The following SOS1 variants were observed in gnomAD, a reference collection of about 807,000 sequenced individuals.
SOS1 encodes the protein SOS Ras/Rac guanine nucleotide exchange factor 1.
In SOS1, 25 loss-of-function variants were observed where a neutral mutation model predicts 157.6. That is an observed-to-expected ratio of 0.16 (90% confidence interval 0.12 to 0.22). The LOEUF is 0.22. Among genes scored for constraint, SOS1 ranks in the 10% least tolerant of loss-of-function variants. SOS1 has a pLI of 1.00. For missense variants in SOS1, 1,237 were observed against 1,599.1 expected, an observed-to-expected ratio of 0.77 and a Z score of 3.86; for synonymous variants, 528 against 534.0, an observed-to-expected ratio of 0.99 and a Z score of 0.16.
intron 8 of SOS1, among the ~76,000 whole-genome samples, chr2:39,030,330 A>G (rs1670116081): frequency 6.6e-6 from 1 of 151,084 alleles, no homozygotes; most frequent in South Asian, 2.1e-4. Context: ...TTCGGAGGCC[A>G]ATGTGGGAAG....
chr2:39,085,741 A>G (rs1672346389), intron 1 of SOS1, among the ~76,000 whole-genome samples: 2 of 152,232 alleles, frequency 1.3e-5, no homozygotes. Flanking sequence ...TCATCTGTGA[A>G]TTCCACCTAC....
At chr2:39,088,539 T>C (rs968992535) in intron 1 of SOS1, among the ~76,000 whole-genome samples, 3 of 152,194 alleles carry the variant, frequency 2.0e-5, no homozygotes, top group African/African-American at 7.2e-5. Context: ...TCTCTATGAA[T>C]TGAACTATTC....
chr2:39,123,345 G>GAA (rs759198547), upstream of SOS1, among the ~76,000 whole-genome samples: 1 of 151,408 alleles, frequency 6.6e-6, no homozygotes, highest in Non-Finnish European at 1.5e-5. Flanking sequence ...TAGAGAGAGA[G>GAA]AAACAATCTT....
At chr2:39,011,649 T>G (rs1279074824) in intron 14 of SOS1, among the ~76,000 whole-genome samples, 1 of 152,194 alleles carries the variant, frequency 6.6e-6, no homozygotes, top group Non-Finnish European at 1.5e-5. Flanking sequence ...ATTACATCAA[T>G]GTAGTATGAT....
At chr2:39,015,053 T>C (rs1669588907) in intron 10 of SOS1, among the ~76,000 whole-genome samples, 1 of 152,086 alleles carries the variant, frequency 6.6e-6, no homozygotes, top group African/African-American at 2.4e-5. Context: ...TCAACTTATT[T>C]CTTGCCCTCT....
chr2:39,107,432 C>G (rs981940916), intron 1 of SOS1, among the ~76,000 whole-genome samples: 3 of 152,146 alleles, frequency 2.0e-5, no homozygotes, highest in African/African-American at 7.2e-5. Flanking sequence ...TAGTATTGCA[C>G]TACAGTCTAA....
At chr2:39,090,867 GTT>G (rs993269014) in intron 1 of SOS1, among the ~76,000 whole-genome samples, 2 of 150,910 alleles carry the variant, frequency 1.3e-5, no homozygotes, top group African/African-American at 4.8e-5. Context: ...TGTTGTTGTT[GTT>G]TTGTTTGTTT....
At chr2:39,022,517 AAATC>A (rs1174781686) in intron 10 of SOS1, 49 bp downstream of exon 10, 2 of 1,416,536 alleles carry the variant, frequency 1.4e-6, no homozygotes, top group East Asian at 2.3e-5. Flanking sequence ...GCAGGAAAGA[AAATC>A]AGTTTGAAGC....
chr2:39,065,784 T>C (rs150431737), intron 2 of SOS1, among the ~76,000 whole-genome samples: 154 of 152,348 alleles, frequency 1.0e-3, no homozygotes, highest in African/African-American at 2.5e-3. Flanking sequence ...ATTCAACTTA[T>C]ATTTTCTGAG....
chr2:39,106,769 A>G (rs534535581), intron 1 of SOS1, among the ~76,000 whole-genome samples: 2 of 152,306 alleles, frequency 1.3e-5, no homozygotes, highest in African/African-American at 4.8e-5. Context: ...CCTGTGAGGT[A>G]GCCCAGACTA....
At chr2:38,999,275 A>G (rs745503593) in intron 17 of SOS1, among the ~76,000 whole-genome samples, 7 of 152,166 alleles carry the variant, frequency 4.6e-5, no homozygotes, top group Non-Finnish European at 7.4e-5. Flanking sequence ...TGGCTAGACC[A>G]TAGGGGTTTG....
chr2:39,084,465 A>T (rs1298015066), intron 1 of SOS1, among the ~76,000 whole-genome samples: 4 of 152,166 alleles, frequency 2.6e-5, no homozygotes, highest in African/African-American at 9.7e-5. Flanking sequence ...TTTGTTGTCA[A>T]CATGGGTTAT....
At chr2:39,118,429 T>G (rs948159771) in intron 1 of SOS1, among the ~76,000 whole-genome samples, 1 of 152,252 alleles carries the variant, frequency 6.6e-6, no homozygotes, top group Admixed American at 6.5e-5. Flanking sequence ...TTTTCAATCT[T>G]GTTTAGAATC....
rs1228324128 is a variant in SOS1 at position 39,094,591 on chromosome 2, T to C, written c.87+25745A>G. On this transcript the variant is annotated intron_variant, in intron 1 of 22. Coordinates refer to ENST00000402219, the MANE Select transcript of SOS1 (RefSeq NM_005633.4). ...ACCCGGGAGGCTGGGAGGCGCAGGC[T>C]GCAGTGAGCCGAGACTGTACCACTG... 5.4e-4 allele frequency among the ~76,000 whole-genome samples: 82 copies of C among 152,010 alleles called. 1 individual carries two copies. Among genetic ancestry groups the C allele is most frequent in the Non-Finnish European group, 7.4e-5 (5 of 68,008 alleles).
intron 6 of SOS1, among the ~76,000 whole-genome samples, chr2:39,046,889 A>G (rs1281525618): frequency 3.9e-5 from 6 of 152,104 alleles, no homozygotes; most frequent in Non-Finnish European, 7.4e-5. Flanking sequence ...ACACCATCCA[A>G]TGCATCTTAT....
intron 1 of SOS1, among the ~76,000 whole-genome samples, chr2:39,079,598 AATT>A (rs1672133650): frequency 6.7e-6 from 1 of 149,576 alleles, no homozygotes; most frequent in African/African-American, 2.5e-5. Flanking sequence ...GGGTTCAAGC[AATT>A]CTCCTGCCTC....
In SOS1 at chr2:38,986,288, G is replaced by C; in HGVS notation, c.3538C>G (p.Pro1180Ala). 6.2e-7 allele frequency: 1 copy of C among 1,613,014 alleles called. No individual in the cohort carries two copies. The highest frequency in any genetic ancestry group is 8.5e-7 in the Non-Finnish European group (1 of 1,179,432). ...GTGGGTTGCCTAGGAGGAATGGCTG[G>C]GGGACTGTCCAAATGCTTAGACATA... ...KIMSKHLDSPPAIPPRQPTSK... is the reference protein window; with the variant it reads ...KIMSKHLDSPAAIPPRQPTSK... The change falls in exon 23 of 23, where the codon CCA (proline) becomes GCA (alanine). Residue 1180 changes from proline to alanine, a missense_variant. Around this residue, in one of 15 missense-constraint regions of SOS1, gnomAD observed 306 missense variants for 322.6 expected, o/e 0.95. Coordinates refer to ENST00000402219, the MANE Select transcript of SOS1 (RefSeq NM_005633.4).
chr2:39,020,642 G>A (rs1422626915), intron 10 of SOS1, among the ~76,000 whole-genome samples: 3 of 151,656 alleles, frequency 2.0e-5, no homozygotes, highest in African/African-American at 7.2e-5. Context: ...TGTTACCATT[G>A]TAGTGAGGCC....
At chr2:39,022,217 T>C (rs185162257) in intron 10 of SOS1, among the ~76,000 whole-genome samples, 1 of 151,646 alleles carries the variant, frequency 6.6e-6, no homozygotes, top group East Asian at 1.9e-4. Flanking sequence ...ATCTCAGAAA[T>C]GGAAAAAGAA....
Sources: gnomAD v4.1 joint callset for allele counts (sites outside exome capture counted in the v4.1 genomes callset) on GRCh38, gnomAD v4.1.1 for gene constraint, gnomAD v4.1.1 regional missense constraint, MANE v1.5 for transcripts, NCBI Gene and HGNC (gene_info 2026-07-23, HGNC 2026-07-21) for gene names.